Variants in RBFOX1 observed in about 807,000 individuals in gnomAD.
The protein encoded by RBFOX1 is RNA binding protein fox-1 homolog 1.
In RBFOX1, 8 loss-of-function variants were observed where a neutral mutation model predicts 57.7. The observed-to-expected ratio is 0.14, with a 90% CI of 0.08 to 0.25. The LOEUF (loss-of-function observed/expected upper bound fraction) is 0.25, where lower values mean the gene tolerates loss of function less well. Among genes scored for constraint, RBFOX1 ranks in the 10% least tolerant of loss-of-function variants. RBFOX1 has a pLI of 1.00. For missense variants in RBFOX1, 611 were observed against 548.5 expected, an observed-to-expected ratio of 1.11 and a Z score of -1.14; for synonymous variants, 326 against 222.4, an observed-to-expected ratio of 1.47 and a Z score of -4.15.
chr16:6,042,637 T>C (rs1220293318), intron 1 of RBFOX1, among the ~76,000 whole-genome samples: 3 of 152,168 alleles, frequency 2.0e-5, no homozygotes, highest in Non-Finnish European at 2.9e-5. Context: ...TCTGTGCCGA[T>C]ATGAGTGACC....
intron 3 of RBFOX1, among the ~76,000 whole-genome samples, chr16:6,801,726 A>G (rs1020319905): frequency 2.0e-5 from 3 of 152,128 alleles, no homozygotes; most frequent in African/African-American, 7.2e-5. Flanking sequence ...GGGGAGGAAG[A>G]GAGTTTTTAT....
At chr16:5,953,484 C>T (rs1263516839) in intron 4 of RBFOX1, among the ~76,000 whole-genome samples, 2 of 152,016 alleles carry the variant, frequency 1.3e-5, no homozygotes, top group Non-Finnish European at 2.9e-5. Flanking sequence ...TTTTATCCCT[C>T]ACCTCCTTCC....
intron 2 of RBFOX1, among the ~76,000 whole-genome samples, chr16:6,457,159 C>T (rs938882652): frequency 3.3e-5 from 5 of 152,156 alleles, no homozygotes; most frequent in Admixed American, 3.3e-4. Context: ...GGACCCCAAA[C>T]ATTGAGACGT....
chr16:5,401,359 A>T (rs1319663362), intron 1 of RBFOX1, among the ~76,000 whole-genome samples: 1 of 152,056 alleles, frequency 6.6e-6, no homozygotes, highest in Admixed American at 6.5e-5. Context: ...CCTTTAGCGT[A>T]TGATCAATGT....
intron 2 of RBFOX1, among the ~76,000 whole-genome samples, chr16:5,554,123 A>G (rs1462848098): frequency 6.6e-6 from 1 of 151,980 alleles, no homozygotes; most frequent in Non-Finnish European, 1.5e-5. Context: ...GGTGGCCACC[A>G]CCATGCCTGA....
chr16:6,918,426 C>T (rs949121527), intron 3 of RBFOX1, among the ~76,000 whole-genome samples: 9 of 152,122 alleles, frequency 5.9e-5, no homozygotes, highest in African/African-American at 2.2e-4. Flanking sequence ...TGAACTGTAG[C>T]TATAGGAAGA....
intron 3 of RBFOX1, among the ~76,000 whole-genome samples, chr16:6,688,394 A>T (rs917057305): frequency 9.9e-5 from 15 of 152,250 alleles, no homozygotes; most frequent in African/African-American, 3.4e-4. Flanking sequence ...GAGGATTACA[A>T]TTGGGCATGT....
intron 1 of RBFOX1, among the ~76,000 whole-genome samples, chr16:5,351,727 C>T (rs150509031): frequency 6.6e-6 from 1 of 152,236 alleles, no homozygotes; most frequent in South Asian, 2.1e-4. Flanking sequence ...TCGCTTAGCC[C>T]GAGAACTCCT....
chr16:5,399,473 G>T (rs1863759593), intron 1 of RBFOX1, among the ~76,000 whole-genome samples: 1 of 152,204 alleles, frequency 6.6e-6, no homozygotes, highest in Non-Finnish European at 1.5e-5. Context: ...CCCATTGGGA[G>T]AATGAACACC....
rs545604717 is a variant in RBFOX1, at chr16:5,463,697, G to A, written c.220-3519G>A. On this transcript the variant is annotated intron_variant, in intron 1 of 2. Coordinates refer to the RBFOX1 transcript ENST00000585867. ...CAACTGTAATCCCAGCTACTCGGGA[G>A]GCTGAGGCAGGAGAATCGCTTGAAC... Among the ~76,000 whole-genome samples, 3 of 151,898 alleles carry A rather than the reference G, an allele frequency of 2.0e-5. No individual in the cohort carries two copies. In the East Asian group the frequency reaches 5.8e-4, roughly 29 times the overall value.
chr16:5,375,401 G>C (rs1046279092), intron 1 of RBFOX1, among the ~76,000 whole-genome samples: 1 of 152,178 alleles, frequency 6.6e-6, no homozygotes, highest in Non-Finnish European at 1.5e-5. Flanking sequence ...TGAATCTCCA[G>C]GGCTTGTGGG....
At chr16:5,282,736 T>A (rs1346783953) in intron 1 of RBFOX1, among the ~76,000 whole-genome samples, 4 of 152,198 alleles carry the variant, frequency 2.6e-5, no homozygotes, top group African/African-American at 9.7e-5. Flanking sequence ...TTGGGTGCTG[T>A]TAAAGGCACT....
chr16:7,672,971 G>A (rs2072050381), intron 13 of RBFOX1, among the ~76,000 whole-genome samples: 1 of 146,212 alleles, frequency 6.8e-6, no homozygotes, highest in Non-Finnish European at 1.5e-5. Context: ...GATTTAAGTT[G>A]TATGTGTATA....
chr16:6,879,723 A>G (rs1018937731), intron 3 of RBFOX1, among the ~76,000 whole-genome samples: 1 of 152,152 alleles, frequency 6.6e-6, no homozygotes. Context: ...GTGGAAGTAA[A>G]TTCTACCTCT....
rs139800306 is a variant in RBFOX1 at position 7,333,116 on chromosome 16, A to C, written c.28-185031A>C. On this transcript the variant is annotated intron_variant, in intron 4 of 15. Coordinates refer to ENST00000550418, the MANE Select transcript of RBFOX1 (RefSeq NM_018723.4). The stretch of plus-strand genomic sequence containing the variant: ...AATTCAAGGCCTCTGCCAGCCAGCA[A>C]CTTAACTCCAGAGTGCTCAGAGTAA... 1.1e-3 allele frequency: 1,785 copies of C among 1,594,748 alleles called. 16 individuals are homozygous for C. In the African/African-American group the frequency reaches 0.02, roughly 18 times the overall value.
intron 2 of RBFOX1, among the ~76,000 whole-genome samples, chr16:6,584,409 C>A (rs1266385065): frequency 1.3e-5 from 2 of 149,458 alleles, no homozygotes; most frequent in Non-Finnish European, 3.0e-5. Flanking sequence ...GCTCTTTCAC[C>A]CAGGCTAGAG....
At chr16:7,484,787 C>T (rs1463114178) in intron 4 of RBFOX1, among the ~76,000 whole-genome samples, 1 of 152,138 alleles carries the variant, frequency 6.6e-6, no homozygotes, top group African/African-American at 2.4e-5. Flanking sequence ...TTTCGCACAG[C>T]TCCCAGATGT....
At chr16:6,495,486 G>C (rs917372221) in intron 2 of RBFOX1, among the ~76,000 whole-genome samples, 4 of 151,116 alleles carry the variant, frequency 2.6e-5, no homozygotes, top group African/African-American at 9.7e-5. Flanking sequence ...GTCATAACTT[G>C]TGGGTTGGCT....
intron 1 of RBFOX1, among the ~76,000 whole-genome samples, chr16:5,391,569 T>C (rs2066408133): frequency 6.6e-6 from 1 of 152,132 alleles, no homozygotes; most frequent in Non-Finnish European, 1.5e-5. Flanking sequence ...TGTGTGCCAG[T>C]TCTGGAAGCC....
Sources: gnomAD v4.1 joint callset for allele counts (sites outside exome capture counted in the v4.1 genomes callset) on GRCh38, gnomAD v4.1.1 for gene constraint, MANE v1.5 for transcripts, NCBI Gene and HGNC (gene_info 2026-07-23, HGNC 2026-07-21) for gene names.